DNHD1: variants seen among roughly 807,000 people sequenced by gnomAD.
DNHD1 encodes dynein heavy chain domain-containing protein 1.
In DNHD1, 383 loss-of-function variants were observed where a neutral mutation model predicts 458.1. The observed-to-expected ratio is 0.84, with a 90% confidence interval of 0.77 to 0.91. The LOEUF is 0.91. DNHD1 is among the 40% of genes least tolerant of loss of function. The probability of loss-of-function intolerance (pLI) is 0.00; values close to 1 mark genes in which losing one functional copy is unlikely to be tolerated. For synonymous variants in DNHD1, 2,203 were observed against 2,376.9 expected (o/e 0.93, Z 2.13); for missense variants, 5,336 against 5,866.1 (o/e 0.91, Z 2.95).
chr11:6,563,549 T>A lies in DNHD1; in HGVS notation c.9837T>A (p.Thr3279=). 1.5e-5 allele frequency: 24 copies of A among 1,551,630 alleles called. No homozygotes were observed. The highest frequency in any genetic ancestry group is 2.0e-5 in the Non-Finnish European group (23 of 1,146,986). ...GWASAKQLLC[T]EDFYQELVFF... ...CCAGTGCCAAACAGCTGTTATGCACTGAGGATTTTTATCAGGTAGGAAGGG... is the reference window on the plus strand; with the variant it reads ...CCAGTGCCAAACAGCTGTTATGCACAGAGGATTTTTATCAGGTAGGAAGGG... Residue 3279 remains threonine (T), a synonymous_variant, in exon 30 of 43, where the codon ACT becomes ACA. Coordinates refer to ENST00000254579, the MANE Select transcript of DNHD1 (RefSeq NM_144666.3).
chr11:6,571,162 C>T lies in DNHD1; in HGVS notation c.13650C>T (p.His4550=), dbSNP rs746078082. 1.2e-6 allele frequency: 2 copies of T among 1,603,622 alleles called. No homozygotes were observed. Among genetic ancestry groups the T allele is most frequent in the South Asian group, 2.2e-5 (2 of 90,728 alleles). The part of the protein sequence containing the change: ...HAPAGPQPPW[H]WLRQLSRRGQ... ...CGGCCGGTCCGCAGCCGCCCTGGCA[C>T]TGGCTGCGACAGTTGTCGCGCCGTG... Residue 4550 remains histidine (H), a synonymous_variant, in exon 42 of 43, where the codon CAC becomes CAT. Coordinates refer to ENST00000254579, the MANE Select transcript of DNHD1 (RefSeq NM_144666.3). This position sits in a 1 kb window ranked among gnomAD's most constrained non-coding sequence, Gnocchi z 5.0.
chr11:6,564,251 C>T (rs1853647213), intron 31 of DNHD1, 82 bp from the exon 32 acceptor site: 1 of 1,451,854 alleles, frequency 6.9e-7, no homozygotes, highest in African/African-American at 1.4e-5. Flanking sequence ...CTCCACACCC[C>T]ACCTTGCCCT....
intron 7 of DNHD1, among the ~76,000 whole-genome samples, chr11:6,516,808 A>T (rs1589870572): frequency 6.6e-6 from 1 of 152,046 alleles, no homozygotes; most frequent in Non-Finnish European, 1.5e-5. Flanking sequence ...TCGTTCTCCC[A>T]AGCAGAATAA....
At chr11:6,555,922 A>C (rs1055526137) in intron 24 of DNHD1, among the ~76,000 whole-genome samples, 1 of 152,174 alleles carries the variant, frequency 6.6e-6, no homozygotes, top group Non-Finnish European at 1.5e-5. Flanking sequence ...TGAACTGTAC[A>C]CTTAAAATGT....
chr11:6,566,593 G>A lies in DNHD1; in HGVS notation c.11213G>A (p.Gly3738Asp). Residue 3738 changes from glycine (G) to aspartate (D), a missense_variant, in exon 35 of 43, where the codon GGT (glycine) becomes GAT (aspartate). Physicochemically the swap from Gly to Asp is moderately conservative, Grantham distance 94. Around this residue, in one of 4 missense-constraint regions of DNHD1, gnomAD observed 695 missense variants for 804.2 expected, o/e 0.86. Coordinates refer to ENST00000254579, the MANE Select transcript of DNHD1 (RefSeq NM_144666.3). ...TCTCCCATGTTACCCCAAGTGCTAGGTTGTGAACTGCTAAAGGGGCTGAAT... is the reference window on the plus strand; with the variant it reads ...TCTCCCATGTTACCCCAAGTGCTAGATTGTGAACTGCTAAAGGGGCTGAAT... ...LSLCAMEKVL[G>D]CELLKGLNVL... The A allele has an allele frequency of 6.2e-7, 1 of 1,613,728 alleles. No individual in the cohort carries two copies. The highest frequency in any genetic ancestry group is 1.1e-5 in the South Asian group (1 of 90,940).
chr11:6,531,660 A>C (rs2134410468), intron 12 of DNHD1, among the ~76,000 whole-genome samples: 1 of 152,246 alleles, frequency 6.6e-6, no homozygotes, highest in Admixed American at 6.5e-5. Context: ...TTGTCCCTCA[A>C]TAGGCTTCCT....
At chr11:6,514,549 C>G (rs1391324100) in intron 7 of DNHD1, among the ~76,000 whole-genome samples, 1 of 150,590 alleles carries the variant, frequency 6.6e-6, no homozygotes, top group African/African-American at 2.4e-5. Context: ...CTCTCCCTCC[C>G]TCTCTTCCTC....
At chr11:6,551,151 T>G (rs569692915) in intron 24 of DNHD1, among the ~76,000 whole-genome samples, 1 of 152,308 alleles carries the variant, frequency 6.6e-6, no homozygotes, top group Admixed American at 6.5e-5. Flanking sequence ...AAATAATATT[T>G]TATCTGACCA....
At chr11:6,516,149 C>T (rs1276542718) in intron 7 of DNHD1, among the ~76,000 whole-genome samples, 1 of 151,998 alleles carries the variant, frequency 6.6e-6, no homozygotes, top group East Asian at 1.9e-4. Context: ...TGTTAAATAT[C>T]CCTTCCTACC....
At position 6,528,879 on chromosome 11, in the gene DNHD1, G is replaced by T. The variant is rs1852770850; in HGVS notation, c.2105G>T (p.Gly702Val). 1.3e-6 allele frequency: 2 copies of T among 1,551,666 alleles called. No homozygotes were observed. Among genetic ancestry groups the T allele is most frequent in the Non-Finnish European group, 1.7e-6 (2 of 1,146,964 alleles). Residue 702 changes from glycine to valine, a missense_variant and splice_region_variant, in exon 12 of 43, where the codon GGC (glycine) becomes GTC (valine). By Grantham distance (109) the Gly-to-Val change is moderately radical (BLOSUM62 -3). This residue lies in a region of DNHD1 where 3,932 missense variants were observed against 4,365.6 expected (regional missense o/e 0.90). Coordinates refer to ENST00000254579, the MANE Select transcript of DNHD1 (RefSeq NM_144666.3). ...CCTAAACACCTTGTCTGCCCTTAGG[G>T]CGTGCTGTGCAAGGTGCAGGAATTC... is the stretch of plus-strand genomic sequence containing the variant. Reference protein sequence around the residue: ...ALNIQQVLLEGVLCKVQEFCR... With the variant: ...ALNIQQVLLEVVLCKVQEFCR...
rs1452150577 is a variant in DNHD1, at chr11:6,498,486, C to G, written c.271C>G (p.Leu91Val). The change falls in exon 3 of 43, where the codon CTG becomes GTG. Residue 91 changes from leucine to valine, a missense_variant. Physicochemically the swap from Leu to Val is conservative, Grantham distance 32 (BLOSUM62 1). Coordinates refer to ENST00000254579, the MANE Select transcript of DNHD1 (RefSeq NM_144666.3). The stretch of plus-strand genomic sequence containing the variant: ...CTATCTTCATGCAGTACTGGGTCTA[C>G]TGCCTCCATATCGTGAGTTGCTAGT... The part of the protein sequence containing the change: ...WRYLHAVLGL[L>V]PPYRELLVGH... The G allele has an allele frequency of 1.2e-6, 2 of 1,614,234 alleles. No individual in the cohort carries two copies. The highest frequency in any genetic ancestry group is 1.3e-5 in the African/African-American group (1 of 75,058).
chr11:6,514,512 CCTT>C (rs1852416512), intron 7 of DNHD1, among the ~76,000 whole-genome samples: 2 of 150,548 alleles, frequency 1.3e-5, no homozygotes, highest in African/African-American at 4.9e-5. Context: ...TCCTTCCCTC[CCTT>C]CTTTCCTCCC....
intron 12 of DNHD1, among the ~76,000 whole-genome samples, chr11:6,532,391 T>C (rs1268833760): frequency 6.6e-6 from 1 of 152,218 alleles, no homozygotes; most frequent in Admixed American, 6.5e-5. Context: ...GCTTCCAGGA[T>C]TACTTTCTAG....
rs904492087 is a variant in DNHD1 at position 6,558,231 on chromosome 11, G to A, written c.8936G>A (p.Gly2979Glu). Reference sequence around the variant, plus strand: ...ACAGAAGCAGATTTGGACCGCATTGGAGAACACCTCCCCAGGGAGAACCTT... The same window carrying A: ...ACAGAAGCAGATTTGGACCGCATTGAAGAACACCTCCCCAGGGAGAACCTT... Reference protein sequence around the residue: ...QYTEADLDRIGEHLPRENLGV... With the variant: ...QYTEADLDRIEEHLPRENLGV... The change falls in exon 25 of 43, where the codon GGA (glycine) becomes GAA (glutamate). Residue 2979 changes from glycine to glutamate, a missense_variant. Gly to Glu is a moderately conservative substitution (Grantham distance 98). Around this residue, in one of 4 missense-constraint regions of DNHD1, gnomAD observed 3,932 missense variants for 4,365.6 expected, o/e 0.90. Transcript: ENST00000254579. 13 of 1,551,716 alleles carry A rather than the reference G, an allele frequency of 8.4e-6. No homozygotes were observed. The highest frequency in any genetic ancestry group is 1.1e-5 in the Non-Finnish European group (13 of 1,146,998).
intron 37 of DNHD1, 95 bp downstream of exon 37, chr11:6,568,337 A>T: frequency 6.4e-7 from 1 of 1,557,412 alleles, no homozygotes; most frequent in Non-Finnish European, 8.7e-7. Context: ...CCTAGCACCA[A>T]ACTTGTCCAC....
chr11:6,502,607 T>C (rs1479678315), intron 3 of DNHD1, 146 bp from the exon 4 acceptor site: 1 of 597,546 alleles, frequency 1.7e-6, no homozygotes, highest in East Asian at 3.2e-5. Flanking sequence ...TGAGTATAGA[T>C]GGTAGTCAGG....
At chr11:6,515,811 G>A (rs567369047) in intron 7 of DNHD1, among the ~76,000 whole-genome samples, 1 of 139,608 alleles carries the variant, frequency 7.2e-6, no homozygotes, top group African/African-American at 2.7e-5. Flanking sequence ...TTGAGTCAGG[G>A]ACTCACTCTG....
intron 19 of DNHD1, 106 bp downstream of exon 19, chr11:6,544,352 A>C: frequency 6.8e-6 from 9 of 1,315,284 alleles, no homozygotes; most frequent in Non-Finnish European, 9.4e-6. Context: ...TATGAAGAAC[A>C]CAGTGAGGAC....
chr11:6,558,923 T>TCC lies in DNHD1; in HGVS notation c.9234_9235dup (p.Gln3079ProfsTer39), dbSNP rs1564821068. ...GCAGGCTCCTGGAAGTACCCAGACC[T>TCC]CCAGGCCTCAATTCCCAGTGTGGCC... is the stretch of plus-strand genomic sequence containing the variant. On this transcript the variant is annotated frameshift_variant, in exon 27 of 43. Coordinates refer to ENST00000254579, the MANE Select transcript of DNHD1 (RefSeq NM_144666.3). LOFTEE classifies it high-confidence loss of function. The TCC allele has an allele frequency of 1.9e-6, 3 of 1,551,598 alleles. No individual in the cohort carries two copies. Among genetic ancestry groups the TCC allele is most frequent in the Non-Finnish European group, 1.7e-6 (2 of 1,146,984 alleles).
Sources: allele counts gnomAD v4.1 joint callset (sites outside exome capture counted in the v4.1 genomes callset), GRCh38; gene constraint gnomAD v4.1.1; regional missense constraint gnomAD v4.1.1; non-coding constraint Gnocchi (gnomAD v3.1); transcripts MANE v1.5; gene names NCBI Gene and HGNC (gene_info 2026-07-23, HGNC 2026-07-21).